Variants in TCF7L1 observed in about 807,000 individuals in gnomAD.
TCF7L1 encodes the protein transcription factor 7-like 1.
TCF7L1 carries 18 observed loss-of-function variants against 63.7 expected under a neutral mutation model. The ratio of observed to expected loss-of-function variants is 0.28; its 90% confidence interval spans 0.20 to 0.42. TCF7L1 has a LOEUF of 0.42. TCF7L1 is among the 10% of genes least tolerant of loss of function. The pLI is 1.00. For missense variants in TCF7L1, 654 were observed against 779.3 expected (o/e 0.84, Z 1.91); for synonymous variants, 355 against 340.9 (o/e 1.04, Z -0.46).
chr2:85,209,805 A>G (rs936486507), intron 3 of TCF7L1, among the ~76,000 whole-genome samples: 1 of 152,204 alleles, frequency 6.6e-6, no homozygotes, highest in African/African-American at 2.4e-5. Context: ...TTTCCTGATT[A>G]TGAGGTGATT....
intron 3 of TCF7L1, among the ~76,000 whole-genome samples, chr2:85,278,524 G>A (rs1057402694): frequency 6.6e-6 from 1 of 152,192 alleles, no homozygotes; most frequent in African/African-American, 2.4e-5. Flanking sequence ...AAAATCTATT[G>A]CTATATATAC....
At chr2:85,234,094 CCACTCTGCTTTTTT>C (rs1449399641) in intron 3 of TCF7L1, among the ~76,000 whole-genome samples, 1 of 149,204 alleles carries the variant, frequency 6.7e-6, no homozygotes, top group Non-Finnish European at 1.5e-5. Flanking sequence ...CTCTCTTGTT[CCACTCTGCTTTTTT>C]CATTTCTTTT....
At position 85,220,833 on chromosome 2, in the gene TCF7L1, CT is replaced by C. The variant is rs149244027; in HGVS notation, c.442-62661del. On this transcript the variant is annotated intron_variant, in intron 3 of 11. Coordinates refer to ENST00000282111, the MANE Select transcript of TCF7L1 (RefSeq NM_031283.3). ...AATATATATTTTGTAGCTCTATCCACTGGAAAAGATTAGAAACAATGATTAT... is the reference window on the plus strand; with the variant it reads ...AATATATATTTTGTAGCTCTATCCACGGAAAAGATTAGAAACAATGATTAT... Among the ~76,000 whole-genome samples the C allele has an allele frequency of 2.0e-5, 3 of 152,292 alleles. No individual in the cohort carries two copies. The East Asian group carries it at 5.8e-4, about 29-fold the overall frequency.
chr2:85,262,543 A>G (rs1680882325), intron 3 of TCF7L1, among the ~76,000 whole-genome samples: 1 of 152,192 alleles, frequency 6.6e-6, no homozygotes, highest in African/African-American at 2.4e-5. Context: ...TAAAAACACG[A>G]GCATTTCCAA....
At chr2:85,297,672 A>G (rs995791330) in intron 4 of TCF7L1, among the ~76,000 whole-genome samples, 2 of 152,044 alleles carry the variant, frequency 1.3e-5, no homozygotes, top group African/African-American at 4.8e-5. Context: ...AAAAAATACA[A>G]AAGTTAGCCC....
chr2:85,170,824 T>A (rs906883967), intron 3 of TCF7L1, among the ~76,000 whole-genome samples: 3 of 152,208 alleles, frequency 2.0e-5, no homozygotes, highest in African/African-American at 7.2e-5. Flanking sequence ...ATTCCCCGAC[T>A]GGAACCACAA....
rs1680328093 is a variant in TCF7L1 at position 85,241,450 on chromosome 2, T to TG, written c.442-42045_442-42044insG. Among the ~76,000 whole-genome samples, 5 of 142,148 alleles carry TG rather than the reference T, an allele frequency of 3.5e-5. No individual in the cohort carries two copies. The South Asian group carries it at 1.2e-3, about 34-fold the overall frequency. The allele number at this position is 142,148 out of a possible 152,430, so 93.3% of individuals were successfully genotyped here. ...CACTTTGTTTTTGTTTTTTTTTTTT[T>TG]TTTTTTTTTTTTTTTGAGATGGAGT... On this transcript the variant is annotated intron_variant, in intron 3 of 11. Coordinates refer to ENST00000282111, the MANE Select transcript of TCF7L1 (RefSeq NM_031283.3).
intron 3 of TCF7L1, among the ~76,000 whole-genome samples, chr2:85,171,047 G>C (rs1249244759): frequency 1.3e-5 from 2 of 152,212 alleles, no homozygotes; most frequent in Non-Finnish European, 2.9e-5. Flanking sequence ...AGAAAAAAAG[G>C]TTAATGAACT....
chr2:85,241,626 G>T (rs1680334957), intron 3 of TCF7L1, among the ~76,000 whole-genome samples: 1 of 151,704 alleles, frequency 6.6e-6, no homozygotes, highest in South Asian at 2.1e-4. Flanking sequence ...TATATTTTTA[G>T]TAGAGACAGG....
chr2:85,133,612 C>CGCCGGGCCGG lies in TCF7L1; in HGVS notation c.-65_-56dup. The CGCCGGGCCGG allele has an allele frequency of 1.8e-6, 1 of 546,538 alleles. No homozygotes were observed. Among genetic ancestry groups the CGCCGGGCCGG allele is most frequent in the Non-Finnish European group, 2.3e-6 (1 of 430,920 alleles). The allele number at this position is 546,538 out of a possible 1,614,324, so 33.9% of individuals were successfully genotyped here. A position where few individuals can be genotyped will look rare whatever the true frequency, so the allele number is the denominator to read the frequency against. On this transcript the variant is annotated 5_prime_UTR_variant, in exon 1 of 12. Transcript: ENST00000282111. This position sits in a 1 kb window ranked among gnomAD's most constrained non-coding sequence, Gnocchi z 4.4. ...CGGGCCCGCAAGCGGGCGGGAGGGG[C>CGCCGGGCCGG]GCCGGGCCGGGCCGGGCAGGGCGCG...
At chr2:85,253,825 C>G (rs1680646067) in intron 3 of TCF7L1, among the ~76,000 whole-genome samples, 1 of 152,232 alleles carries the variant, frequency 6.6e-6, no homozygotes, top group Non-Finnish European at 1.5e-5. Flanking sequence ...ACCTTTTCAA[C>G]ATGTGGGAGC....
rs145049771 is a variant in TCF7L1, at chr2:85,217,326, A to G, written c.442-66169A>G. On this transcript the variant is annotated intron_variant, in intron 3 of 11. Coordinates refer to ENST00000282111, the MANE Select transcript of TCF7L1 (RefSeq NM_031283.3). ...TTGCAGCTGAAGCACTCTGAGAAACAGAACAATTTGTTCACAGAAAAAGGA... is the reference window on the plus strand; with the variant it reads ...TTGCAGCTGAAGCACTCTGAGAAACGGAACAATTTGTTCACAGAAAAAGGA... 320 of 152,392 alleles carry G rather than the reference A, an allele frequency of 2.1e-3. 1 individual carries two copies. The highest frequency in any genetic ancestry group is 7.4e-3 in the African/African-American group (308 of 41,596). The allele number at this position is 152,392 out of a possible 1,614,324, so 9.4% of individuals were successfully genotyped here. A position where few individuals can be genotyped will look rare whatever the true frequency, so the allele number is the denominator to read the frequency against.
chr2:85,167,045 C>T (rs1240708120), intron 3 of TCF7L1: 2 of 152,190 alleles, frequency 1.3e-5, no homozygotes, highest in Non-Finnish European at 2.9e-5. Context: ...ACTACAGGCG[C>T]CGGCCACCAC....
At chr2:85,151,635 T>C (rs576330236) in intron 3 of TCF7L1, among the ~76,000 whole-genome samples, 1 of 152,362 alleles carries the variant, frequency 6.6e-6, no homozygotes, top group Non-Finnish European at 1.5e-5. Flanking sequence ...ACCAACTCTT[T>C]AGTTACCTCA....
intron 3 of TCF7L1, among the ~76,000 whole-genome samples, chr2:85,257,825 C>T (rs1573013264): frequency 6.6e-6 from 1 of 152,196 alleles, no homozygotes; most frequent in South Asian, 2.1e-4. Context: ...GCTACCTGCC[C>T]CCTCCCGCCA....
intron 3 of TCF7L1, among the ~76,000 whole-genome samples, chr2:85,145,979 G>A (rs1051782489): frequency 1.2e-4 from 19 of 152,062 alleles, no homozygotes; most frequent in African/African-American, 4.3e-4. Context: ...CCAAAGTGCT[G>A]GGATTACAGG....
At chr2:85,268,512 C>T (rs1681064577) in intron 3 of TCF7L1, among the ~76,000 whole-genome samples, 1 of 145,270 alleles carries the variant, frequency 6.9e-6, no homozygotes, top group Non-Finnish European at 1.5e-5. Context: ...TCGCTCACGT[C>T]ACCCAGGCTG....
intron 4 of TCF7L1, among the ~76,000 whole-genome samples, chr2:85,289,568 G>T (rs1419583693): frequency 6.6e-6 from 1 of 152,170 alleles, no homozygotes; most frequent in East Asian, 1.9e-4. Flanking sequence ...TCTAGATGAG[G>T]TTAGTGCAAA....
intron 3 of TCF7L1, among the ~76,000 whole-genome samples, chr2:85,177,483 T>A (rs1678704007): frequency 6.6e-6 from 1 of 152,190 alleles, no homozygotes; most frequent in African/African-American, 2.4e-5. Flanking sequence ...GGAAGAAGGA[T>A]CACTTGAGCC....
Sources: allele counts gnomAD v4.1 joint callset (sites outside exome capture counted in the v4.1 genomes callset), GRCh38; gene constraint gnomAD v4.1.1; non-coding constraint Gnocchi (gnomAD v3.1); transcripts MANE v1.5; gene names NCBI Gene and HGNC (gene_info 2026-07-23, HGNC 2026-07-21).